The following PPM1L variants were observed in gnomAD, a reference collection of about 807,000 sequenced individuals.
The protein encoded by PPM1L is protein phosphatase, Mg2+/Mn2+ dependent 1L.
A neutral mutation model predicts 31.4 loss-of-function variants in PPM1L; 13 were observed. That is an observed-to-expected ratio of 0.41 (90% CI 0.27 to 0.66). The LOEUF is 0.66. PPM1L is among the 30% of genes least tolerant of loss of function. PPM1L has a pLI of 0.29. For missense variants in PPM1L, 326 were observed against 453.7 expected (o/e 0.72, Z 2.56); for synonymous variants, 184 against 175.4 (o/e 1.05, Z -0.39).
At chr3:160,998,847 A>G (rs1717400254) in intron 2 of PPM1L, among the ~76,000 whole-genome samples, 1 of 152,186 alleles carries the variant, frequency 6.6e-6, no homozygotes, top group African/African-American at 2.4e-5. Context: ...CCTGAAAGTT[A>G]TTTCATAATT....
chr3:160,832,269 A>C (rs1713543998), intron 1 of PPM1L, among the ~76,000 whole-genome samples: 1 of 152,178 alleles, frequency 6.6e-6, no homozygotes, highest in Admixed American at 6.5e-5. Flanking sequence ...GGGATGGGGA[A>C]CTCAGGCCAG....
intron 1 of PPM1L, among the ~76,000 whole-genome samples, chr3:160,808,563 A>G (rs1324899947): frequency 6.6e-6 from 1 of 152,062 alleles, no homozygotes; most frequent in Non-Finnish European, 1.5e-5. Context: ...CAGCTGGCTC[A>G]TTTTCAGACT....
At chr3:160,817,635 A>T (rs1022913875) in intron 1 of PPM1L, among the ~76,000 whole-genome samples, 1 of 151,946 alleles carries the variant, frequency 6.6e-6, no homozygotes, top group African/African-American at 2.4e-5. Context: ...TTTGCAGGTC[A>T]TGTCCTAATT....
At chr3:160,835,070 C>CTTCTTCTTT (rs1560120558) in intron 1 of PPM1L, among the ~76,000 whole-genome samples, 136 of 147,994 alleles carry the variant, frequency 9.2e-4, no homozygotes, top group African/African-American at 3.4e-3. Context: ...TCTTCTTCTT[C>CTTCTTCTTT]TTCTTCTTCT....
Position 160,870,842 on chromosome 3 carries a change from G to A in PPM1L, c.400-90894G>A, listed in dbSNP as rs115515033. Among the ~76,000 whole-genome samples, 1,388 of 152,276 alleles carry A rather than the reference G, an allele frequency of 9.1e-3. 24 individuals carry two copies. The highest frequency in any genetic ancestry group is 0.032 in the African/African-American group (1,327 of 41,546). On this transcript the variant is annotated intron_variant, in intron 1 of 3. Transcript: ENST00000498165. ...TTCATTGAAATAAATGTTGTAGAGTGGTTTTAGCTCTTGGCAAATCATGCA... is the reference window on the plus strand; with the variant it reads ...TTCATTGAAATAAATGTTGTAGAGTAGTTTTAGCTCTTGGCAAATCATGCA...
intron 1 of PPM1L, among the ~76,000 whole-genome samples, chr3:160,934,900 A>G (rs1439241886): frequency 6.6e-6 from 1 of 151,978 alleles, no homozygotes; most frequent in African/African-American, 2.4e-5. Context: ...GTGAGCTGAG[A>G]TTGTGCCATC....
chr3:161,028,152 G>C (rs1006931452), intron 2 of PPM1L, among the ~76,000 whole-genome samples: 3 of 152,128 alleles, frequency 2.0e-5, no homozygotes, highest in African/African-American at 7.2e-5. Context: ...AATTAACAAG[G>C]CTTACCGGGT....
chr3:160,970,936 G>T (rs1228087518), intron 2 of PPM1L, among the ~76,000 whole-genome samples: 1 of 151,622 alleles, frequency 6.6e-6, no homozygotes, highest in South Asian at 2.1e-4. Context: ...GACTACAGGC[G>T]CCCGCCACCT....
chr3:161,034,466 G>C (rs1718677931), intron 2 of PPM1L, among the ~76,000 whole-genome samples: 1 of 152,136 alleles, frequency 6.6e-6, no homozygotes, highest in South Asian at 2.1e-4. Context: ...TGATAGACTG[G>C]ATAAAGAAAA....
intron 1 of PPM1L, among the ~76,000 whole-genome samples, chr3:160,831,214 G>T (rs899804243): frequency 6.6e-6 from 1 of 152,160 alleles, no homozygotes; most frequent in South Asian, 2.1e-4. Flanking sequence ...ATGAAGAAAT[G>T]ATAAATGTTT....
chr3:160,936,909 G>GA (rs962915460), intron 1 of PPM1L, among the ~76,000 whole-genome samples: 41 of 152,104 alleles, frequency 2.7e-4, no homozygotes, highest in African/African-American at 9.7e-4. Context: ...AATTTCACTT[G>GA]AAAAAACCAA....
At chr3:160,804,997 G>GA (rs1712554196) in intron 1 of PPM1L, among the ~76,000 whole-genome samples, 1 of 152,194 alleles carries the variant, frequency 6.6e-6, no homozygotes, top group African/African-American at 2.4e-5. Flanking sequence ...TGGAGACAGT[G>GA]TGACCTTCTC....
chr3:161,078,401 T>C lies in PPM1L; in HGVS notation c.*9244T>C, dbSNP rs1359937451. The C allele has an allele frequency of 6.6e-6, 1 of 152,220 alleles. No individual in the cohort carries two copies. Among genetic ancestry groups the C allele is most frequent in the Non-Finnish European group, 1.5e-5 (1 of 68,038 alleles). The allele number at this position is 152,220 out of a possible 1,614,324, so 9.4% of individuals were successfully genotyped here. ...CAACTTTAAAAATCACAAGGGATTA[T>C]TTGTTTATAAAGAGATACAGGATCT... On this transcript the variant is annotated 3_prime_UTR_variant, in exon 4 of 4. Transcript: ENST00000498165.
intron 1 of PPM1L, among the ~76,000 whole-genome samples, chr3:160,930,453 G>A (rs535015128): frequency 1.3e-5 from 2 of 152,254 alleles, no homozygotes; most frequent in South Asian, 4.1e-4. Flanking sequence ...TCTGTATCTC[G>A]TTAGTTCATA....
At chr3:160,866,091 C>T (rs1712075671) in intron 1 of PPM1L, among the ~76,000 whole-genome samples, 1 of 152,186 alleles carries the variant, frequency 6.6e-6, no homozygotes, top group Admixed American at 6.5e-5. Context: ...ACCATTGAAG[C>T]TGCTGCAGTT....
intron 1 of PPM1L, among the ~76,000 whole-genome samples, chr3:160,960,460 T>C (rs1437405316): frequency 2.0e-5 from 3 of 152,142 alleles, no homozygotes; most frequent in African/African-American, 7.2e-5. Context: ...CTATGGGTTT[T>C]TCTTTTTTCT....
At chr3:160,936,535 G>A (rs933303494) in intron 1 of PPM1L, among the ~76,000 whole-genome samples, 2 of 152,214 alleles carry the variant, frequency 1.3e-5, no homozygotes, top group East Asian at 1.9e-4. Flanking sequence ...CGGATGTTTA[G>A]TATTCCCAAG....
At chr3:160,835,169 T>C (rs1177718142) in intron 1 of PPM1L, among the ~76,000 whole-genome samples, 48 of 140,608 alleles carry the variant, frequency 3.4e-4, no homozygotes, top group African/African-American at 6.5e-4. Flanking sequence ...TTTTTTTTTT[T>C]CAGAATGGGG....
chr3:160,797,366 T>C (rs1452815082), intron 1 of PPM1L, among the ~76,000 whole-genome samples: 1 of 152,190 alleles, frequency 6.6e-6, no homozygotes, highest in Non-Finnish European at 1.5e-5. Flanking sequence ...CCACCATTCT[T>C]CAGTCTCTCT....
Sources: gnomAD v4.1 joint callset for allele counts (sites outside exome capture counted in the v4.1 genomes callset) on GRCh38, gnomAD v4.1.1 for gene constraint, MANE v1.5 for transcripts, NCBI Gene and HGNC (gene_info 2026-07-23, HGNC 2026-07-21) for gene names.